The following CRYBG2 variants were observed in gnomAD, a reference collection of about 807,000 sequenced individuals.
CRYBG2 encodes the protein beta/gamma crystallin domain-containing protein 2.
In CRYBG2, 106 loss-of-function variants were observed where a neutral mutation model predicts 153.4. The ratio of observed to expected loss-of-function variants is 0.69; its 90% CI spans 0.59 to 0.81. The LOEUF (loss-of-function observed/expected upper bound fraction) is 0.81. CRYBG2 is among the 30% of genes least tolerant of loss of function. The probability of loss-of-function intolerance (pLI) is 0.00; values close to 1 mark genes in which losing one functional copy is unlikely to be tolerated. For synonymous variants in CRYBG2, 851 were observed against 877.8 expected, an observed-to-expected ratio of 0.97 and a Z score of 0.54; for missense variants, 1,996 against 2,112.0, an observed-to-expected ratio of 0.95 and a Z score of 1.08.
Position 26,322,257 on chromosome 1 carries a change from C to T in CRYBG2, c.4804G>A (p.Ala1602Thr), listed in dbSNP as rs1557700059. The change falls in exon 19 of 20, where the codon GCC becomes ACC. Residue 1602 changes from alanine to threonine, a missense_variant. Transcript: ENST00000308182. ...PSPGSKVVLWAESRLPRQTWS... is the reference protein window; with the variant it reads ...PSPGSKVVLWTESRLPRQTWS... The stretch of plus-strand genomic sequence containing the variant: ...GTCTGGCGCGGCAGGCGGCTCTCGG[C>T]CCACAGCACCACCTTGGAGCCTGGG... 2 of 1,614,062 alleles carry T rather than the reference C, an allele frequency of 1.2e-6. No individual in the cohort carries two copies. The highest frequency in any genetic ancestry group is 1.7e-6 in the Non-Finnish European group (2 of 1,180,028).
intron 14 of CRYBG2, among the ~76,000 whole-genome samples, chr1:26,333,045 A>AAAAAAAAAAAAAAAAT (rs2074016334): frequency 7.2e-6 from 1 of 138,736 alleles, no homozygotes; most frequent in Admixed American, 7.3e-5. Context: ...AAAAAAAAAA[A>AAAAAAAAAAAAAAAAT]AGATTTCTAA....
intron 5 of CRYBG2, among the ~76,000 whole-genome samples, chr1:26,340,769 T>C (rs2074118778): frequency 6.6e-6 from 1 of 151,858 alleles, no homozygotes; most frequent in South Asian, 2.1e-4. Context: ...CCCGCCACCA[T>C]GCCCGGCTAA....
intron 10 of CRYBG2, 53 bp from the exon 11 acceptor site, chr1:26,337,033 G>C: frequency 4.4e-6 from 7 of 1,604,006 alleles, no homozygotes; most frequent in East Asian, 4.5e-5. Flanking sequence ...GAAACCCCTG[G>C]GAGTGCCCAG....
At chr1:26,349,656 C>T (rs1219730567) in intron 1 of CRYBG2, among the ~76,000 whole-genome samples, 1 of 152,120 alleles carries the variant, frequency 6.6e-6, no homozygotes, top group African/African-American at 2.4e-5. Context: ...CATGTTGAAA[C>T]TTAATCCCCA....
chr1:26,334,103 C>A (rs2124700246), intron 14 of CRYBG2, among the ~76,000 whole-genome samples: 1 of 152,304 alleles, frequency 6.6e-6, no homozygotes, highest in East Asian at 1.9e-4. Flanking sequence ...CCACTGTGCC[C>A]AGCTTCATGG....
chr1:26,345,394 G>C lies in CRYBG2; in HGVS notation c.1264C>G (p.Pro422Ala), dbSNP rs1328271073. ...HVTVPGQPPA[P>A]STTRRKDVPS... is the part of the protein sequence containing the mutation. ...ACATCCTTCCTTCTTGTAGTGGATG[G>C]AGCAGGAGGTTGTCCAGGGACTGTC... is the stretch of plus-strand genomic sequence containing the variant. The change falls in exon 2 of 20, where the codon CCA (proline) becomes GCA (alanine). Residue 422 changes from proline (P) to alanine (A), a missense_variant. Coordinates refer to ENST00000308182, the MANE Select transcript of CRYBG2 (RefSeq NM_001039775.4). 6.2e-7 allele frequency: 1 copy of C among 1,612,748 alleles called. No homozygotes were observed. The highest frequency in any genetic ancestry group is 8.5e-7 in the Non-Finnish European group (1 of 1,179,648).
intron 1 of CRYBG2, among the ~76,000 whole-genome samples, chr1:26,347,217 G>C (rs1317662510): frequency 6.6e-6 from 1 of 151,366 alleles, no homozygotes; most frequent in Admixed American, 6.6e-5. Context: ...CAAGCATCAG[G>C]GTCCTCAGCC....
rs372152800 is a variant in CRYBG2 at position 26,339,272 on chromosome 1, A to G, written c.3344+18T>C. On this transcript the variant is annotated intron_variant, in intron 6 of 19. Transcript: ENST00000308182. ...AGTGAATGTCAAATGAGGGGATTCT[A>G]GAATAGACCAGACTCACAGTCCTGC... The G allele has an allele frequency of 1.9e-6, 3 of 1,607,140 alleles. No individual in the cohort carries two copies. In the African/African-American group the frequency reaches 4.0e-5, roughly 22 times the overall value.
At chr1:26,334,302 A>G (rs555135937) in intron 14 of CRYBG2, among the ~76,000 whole-genome samples, 5 of 151,960 alleles carry the variant, frequency 3.3e-5, no homozygotes, top group African/African-American at 1.2e-4. Flanking sequence ...GCGTGCACCT[A>G]TGGTCCCAGG....
intron 6 of CRYBG2, 149 bp from the exon 7 acceptor site, chr1:26,338,626 G>T: frequency 1.2e-6 from 1 of 840,170 alleles, no homozygotes; most frequent in Non-Finnish European, 1.7e-6. Context: ...TAGCCACATT[G>T]GTCTCCCTTC....
intron 17 of CRYBG2, among the ~76,000 whole-genome samples, chr1:26,326,373 T>C (rs1007919212): frequency 1.3e-5 from 2 of 151,584 alleles, no homozygotes; most frequent in African/African-American, 4.8e-5. Flanking sequence ...CCATCTCTAC[T>C]AAAAATACAA....
At position 26,346,783 on chromosome 1, in the gene CRYBG2, C is replaced by T. The variant is rs2074228369; in HGVS notation, c.-55-71G>A. On this transcript the variant is annotated intron_variant, in intron 1 of 19. Coordinates refer to ENST00000308182, the MANE Select transcript of CRYBG2 (RefSeq NM_001039775.4). This position sits in a 1 kb window ranked among gnomAD's most constrained non-coding sequence, Gnocchi z 4.9. ...GCTTCCTAAAGTGCAGAATAACCAC[C>T]CCTACCCAAGTCAGGCTGGGAACCT... is the stretch of plus-strand genomic sequence containing the variant. 3 of 1,050,558 alleles carry T rather than the reference C, an allele frequency of 2.9e-6. No homozygotes were observed. The East Asian group carries it at 7.9e-5, about 28-fold the overall frequency. The allele number at this position is 1,050,558 out of a possible 1,614,324, so 65.1% of individuals were successfully genotyped here.
At chr1:26,329,132 G>A (rs1341920104) in intron 15 of CRYBG2, among the ~76,000 whole-genome samples, 1 of 151,084 alleles carries the variant, frequency 6.6e-6, no homozygotes, top group Non-Finnish European at 1.5e-5. Context: ...GAACTAACCT[G>A]GCACTCTGAG....
At position 26,328,241 on chromosome 1, in the gene CRYBG2, G is replaced by A. The variant is rs765459598; in HGVS notation, c.4546C>T (p.Gln1516Ter). 7.7e-6 allele frequency: 12 copies of A among 1,564,316 alleles called. No homozygotes were observed. Among genetic ancestry groups the A allele is most frequent in the Non-Finnish European group, 1.0e-5 (12 of 1,154,408 alleles). Residue 1516 changes from glutamine (Q) to a stop codon, truncating the protein, a stop_gained, in exon 17 of 20, where the codon CAG becomes TAG. Coordinates refer to ENST00000308182, the MANE Select transcript of CRYBG2 (RefSeq NM_001039775.4). LOFTEE classifies it high-confidence loss of function. ...ITNWLTYSGT[Q>*]RVGSLYPIKQ... ...ATGGGGTAGAGGGAGCCCACCCTCTGGGTGCCGCTGTAGGTCAGCCAGTTG... is the reference window on the plus strand; with the variant it reads ...ATGGGGTAGAGGGAGCCCACCCTCTAGGTGCCGCTGTAGGTCAGCCAGTTG...
chr1:26,321,865 T>G lies in CRYBG2; in HGVS notation c.*103A>C. The stretch of plus-strand genomic sequence containing the variant: ...ATATCAAGGTGCACAGAGACAAGGG[T>G]ACCTGGCAGCATATTAGAAAATAGC... On this transcript the variant is annotated 3_prime_UTR_variant, in exon 20 of 20. Coordinates refer to ENST00000308182, the MANE Select transcript of CRYBG2 (RefSeq NM_001039775.4). 1 of 1,022,556 alleles carries G rather than the reference T, an allele frequency of 9.8e-7. No homozygotes were observed. The highest frequency in any genetic ancestry group is 1.4e-6 in the Non-Finnish European group (1 of 720,644). The allele number at this position is 1,022,556 out of a possible 1,614,324, so 63.3% of individuals were successfully genotyped here.
chr1:26,338,569 G>A, intron 6 of CRYBG2, 92 bp from the exon 7 acceptor site: 1 of 1,384,612 alleles, frequency 7.2e-7, no homozygotes. Context: ...AGTGGAAAAG[G>A]AGGTTTTCTG....
At chr1:26,335,830 T>A (rs2074047047) in intron 14 of CRYBG2, among the ~76,000 whole-genome samples, 1 of 152,212 alleles carries the variant, frequency 6.6e-6, no homozygotes, top group Admixed American at 6.5e-5. Context: ...TGTGTACCCA[T>A]GAAATTTTAC....
chr1:26,335,475 T>TCAAAA (rs1157572914), intron 14 of CRYBG2, among the ~76,000 whole-genome samples: 1 of 148,840 alleles, frequency 6.7e-6, no homozygotes, highest in Non-Finnish European at 1.5e-5. Context: ...AAACTCTGTC[T>TCAAAA]CAAAACAAAA....
chr1:26,328,444 T>C lies in CRYBG2; in HGVS notation c.4455-112A>G, dbSNP rs2073959615. 4 of 1,435,530 alleles carry C rather than the reference T, an allele frequency of 2.8e-6. No individual in the cohort carries two copies. The South Asian group carries it at 5.3e-5, about 19-fold the overall frequency. 88.9% of individuals were successfully genotyped at this position (1,435,530 alleles called of 1,614,324 possible). On this transcript the variant is annotated intron_variant, in intron 16 of 19. Transcript: ENST00000308182. The stretch of plus-strand genomic sequence containing the variant: ...ACGTTCTCCACCTCCTCTTCTCCCA[T>C]GGAGGGATTCCTCTGCCTGGAATAG...
Sources: allele counts gnomAD v4.1 joint callset (sites outside exome capture counted in the v4.1 genomes callset), GRCh38; gene constraint gnomAD v4.1.1; non-coding constraint Gnocchi (gnomAD v3.1); transcripts MANE v1.5; gene names NCBI Gene and HGNC (gene_info 2026-07-23, HGNC 2026-07-21).